RRM2: variants seen among roughly 807,000 people sequenced by gnomAD.
RRM2 encodes the protein ribonucleotide reductase regulatory subunit M2.
RRM2 carries 6 observed loss-of-function variants against 45.9 expected under a neutral mutation model. The ratio of observed to expected loss-of-function variants is 0.13; its 90% CI spans 0.07 to 0.26. The LOEUF is 0.26. RRM2 is among the 10% of genes least tolerant of loss of function. The pLI is 1.00. For synonymous variants in RRM2, 177 were observed against 173.0 expected, an observed-to-expected ratio of 1.02 and a Z score of -0.18; for missense variants, 343 against 489.5, an observed-to-expected ratio of 0.70 and a Z score of 2.82.
chr2:10,143,338 G>A (rs1663123586), intron 3 of RRM2, among the ~76,000 whole-genome samples: 1 of 152,190 alleles, frequency 6.6e-6, no homozygotes, highest in African/African-American at 2.4e-5. Flanking sequence ...GCCAGATTAG[G>A]GGCCTCCTCA....
At chr2:10,203,968 G>T (rs1426709262) in intron 3 of RRM2, among the ~76,000 whole-genome samples, 2 of 152,032 alleles carry the variant, frequency 1.3e-5, no homozygotes, top group Admixed American at 1.3e-4. Context: ...GAGACTGCTG[G>T]TGCTTCCTGC....
At position 10,123,446 on chromosome 2, in the gene RRM2, C is replaced by T; in HGVS notation, c.234C>T (p.Arg78=). 6.2e-7 allele frequency: 1 copy of T among 1,614,216 alleles called. No individual in the cohort carries two copies. Among genetic ancestry groups the T allele is most frequent in the Non-Finnish European group, 8.5e-7 (1 of 1,180,026 alleles). The change falls in exon 3 of 10, where the codon CGC becomes CGT. Residue 78 remains arginine, a synonymous_variant. Coordinates refer to ENST00000304567, the MANE Select transcript of RRM2 (RefSeq NM_001034.4). ...EDEPLLRENP[R]RFVIFPIEYH... The stretch of plus-strand genomic sequence containing the variant: ...AGCCGCTGCTGAGAGAAAACCCCCG[C>T]CGCTTTGTCATCTTCCCCATCGAGT...
intron 3 of RRM2, among the ~76,000 whole-genome samples, chr2:10,207,320 C>A (rs1664681801): frequency 6.6e-6 from 1 of 152,184 alleles, no homozygotes; most frequent in South Asian, 2.1e-4. Flanking sequence ...TGCTCACCAC[C>A]TGCAATTGGC....
intron 3 of RRM2, among the ~76,000 whole-genome samples, chr2:10,183,404 T>C (rs1572522829): frequency 6.6e-6 from 1 of 152,150 alleles, no homozygotes; most frequent in South Asian, 2.1e-4. Flanking sequence ...CAACATCCAA[T>C]AAGAAGCCTG....
rs1278354141 is a variant in RRM2, at chr2:10,165,493, G to A, written n.482+23118G>A. On this transcript the variant is annotated intron_variant and non_coding_transcript_variant, in intron 3 of 3. Transcript: ENST00000381786. ...AGCCAACAGGGGTGAGGACCACGGCGCAGGGGCCACATTTAACCGGCTGGG... is the reference window on the plus strand; with the variant it reads ...AGCCAACAGGGGTGAGGACCACGGCACAGGGGCCACATTTAACCGGCTGGG... Among the ~76,000 whole-genome samples, 4 of 152,366 alleles carry A rather than the reference G, an allele frequency of 2.6e-5. No homozygotes were observed. The South Asian group carries it at 6.2e-4, about 24-fold the overall frequency.
In RRM2 at chr2:10,123,482, C is replaced by G; in HGVS notation, c.270C>G (p.Ile90Met). Reference sequence around the variant, plus strand: ...TCTTCCCCATCGAGTACCATGATATCTGGCAGATGTATAAGAAGGCAGAGG... The same window carrying G: ...TCTTCCCCATCGAGTACCATGATATGTGGCAGATGTATAAGAAGGCAGAGG... ...FVIFPIEYHD[I>M]WQMYKKAEAS... Residue 90 changes from isoleucine to methionine, a missense_variant, in exon 3 of 10, where the codon ATC becomes ATG. Physicochemically the swap from Ile to Met is conservative, Grantham distance 10 (BLOSUM62 1). Around this residue, in one of 2 missense-constraint regions of RRM2, gnomAD observed 131 missense variants for 121.4 expected, o/e 1.08. Transcript: ENST00000304567. 6.2e-7 allele frequency: 1 copy of G among 1,614,172 alleles called. No homozygotes were observed. The highest frequency in any genetic ancestry group is 8.5e-7 in the Non-Finnish European group (1 of 1,180,030).
At chr2:10,160,524 A>T (rs1262733060) in intron 3 of RRM2, among the ~76,000 whole-genome samples, 1 of 152,220 alleles carries the variant, frequency 6.6e-6, no homozygotes, top group Non-Finnish European at 1.5e-5. Context: ...GGAGGCTGGC[A>T]TGGGCAGGGG....
intron 3 of RRM2, among the ~76,000 whole-genome samples, chr2:10,154,235 A>C (rs542588461): frequency 3.3e-5 from 5 of 152,152 alleles, no homozygotes; most frequent in Admixed American, 6.5e-5. Context: ...GCACTTTGGG[A>C]GGCCTAGGCG....
intron 3 of RRM2, among the ~76,000 whole-genome samples, chr2:10,170,019 C>T (rs1013246043): frequency 1.3e-5 from 2 of 152,154 alleles, no homozygotes; most frequent in South Asian, 4.1e-4. Flanking sequence ...GCAGCTGATG[C>T]CCCTGCTGTC....
At chr2:10,150,989 A>G (rs1047253768) in intron 3 of RRM2, among the ~76,000 whole-genome samples, 1 of 151,326 alleles carries the variant, frequency 6.6e-6, no homozygotes, top group African/African-American at 2.4e-5. Context: ...AATTTTTTGT[A>G]TTTTTAGTAG....
chr2:10,155,615 C>T (rs1006339618), intron 3 of RRM2: 2 of 152,466 alleles, frequency 1.3e-5, no homozygotes, highest in Non-Finnish European at 2.9e-5. Context: ...ATTCCTCCCC[C>T]TCTTCTGTTC....
rs111869238 is a variant in RRM2 at position 10,204,014 on chromosome 2, AG to A, written n.483-6295del. 2.7e-3 allele frequency among the ~76,000 whole-genome samples: 405 copies of A among 152,138 alleles called. 6 individuals carry two copies. Among genetic ancestry groups the A allele is most frequent in the African/African-American group, 8.4e-3 (349 of 41,520 alleles). Reference sequence around the variant, plus strand: ...CCCAGAGCTGCTTGGTCCCTGTTCTAGGTGAGGCCATTCAGCAGTCCTTGTG... The same window carrying A: ...CCCAGAGCTGCTTGGTCCCTGTTCTAGTGAGGCCATTCAGCAGTCCTTGTG... On this transcript the variant is annotated intron_variant and non_coding_transcript_variant, in intron 3 of 3. Transcript: ENST00000381786. This position sits in a 1 kb window ranked among gnomAD's most constrained non-coding sequence, Gnocchi z 4.0.
At chr2:10,176,504 G>A (rs1295401882) in intron 3 of RRM2, among the ~76,000 whole-genome samples, 1 of 152,166 alleles carries the variant, frequency 6.6e-6, no homozygotes, top group Non-Finnish European at 1.5e-5. Flanking sequence ...CCAACCTCAG[G>A]TGATCTGCCC....
chr2:10,132,494 TTTC>T (rs1358396542), downstream of RRM2, among the ~76,000 whole-genome samples: 3 of 152,134 alleles, frequency 2.0e-5, no homozygotes, highest in East Asian at 5.8e-4. Flanking sequence ...CTCATGAAGA[TTTC>T]TTCCCGTGCT....
At chr2:10,200,042 A>G (rs1664513670) in intron 3 of RRM2, among the ~76,000 whole-genome samples, 1 of 152,160 alleles carries the variant, frequency 6.6e-6, no homozygotes, top group South Asian at 2.1e-4. Flanking sequence ...CATGTTGGCC[A>G]GGCTGATCTC....
chr2:10,153,742 TAAGAC>T (rs1323151701), intron 3 of RRM2, among the ~76,000 whole-genome samples: 1 of 152,102 alleles, frequency 6.6e-6, no homozygotes, highest in Non-Finnish European at 1.5e-5. Flanking sequence ...GTCCAACAAA[TAAGAC>T]AAGACCCAAA....
chr2:10,125,832 A>G (rs1662766646), intron 5 of RRM2, among the ~76,000 whole-genome samples: 1 of 152,168 alleles, frequency 6.6e-6, no homozygotes, highest in Non-Finnish European at 1.5e-5. Flanking sequence ...CATTGGGAGT[A>G]AAGAGATTTG....
chr2:10,151,762 A>G (rs1343624251), intron 3 of RRM2, among the ~76,000 whole-genome samples: 2 of 152,224 alleles, frequency 1.3e-5, no homozygotes, highest in South Asian at 4.1e-4. Flanking sequence ...TACCCTTGCC[A>G]ACACTTGGCA....
At chr2:10,191,192 G>GC (rs1038192032) in intron 3 of RRM2, among the ~76,000 whole-genome samples, 21 of 152,152 alleles carry the variant, frequency 1.4e-4, no homozygotes, top group African/African-American at 5.1e-4. Flanking sequence ...CGTGCCTGGA[G>GC]CCCCCCAGCT....
Sources: gnomAD v4.1 joint callset for allele counts (sites outside exome capture counted in the v4.1 genomes callset) on GRCh38, gnomAD v4.1.1 for gene constraint, gnomAD v4.1.1 regional missense constraint, Gnocchi (gnomAD v3.1) non-coding constraint, MANE v1.5 for transcripts, NCBI Gene and HGNC (gene_info 2026-07-23, HGNC 2026-07-21) for gene names.